Variants in RAB11B observed in about 807,000 individuals in gnomAD.
RAB11B encodes the protein RAB11B, member RAS oncogene family.
In RAB11B, 7 loss-of-function variants were observed where a neutral mutation model predicts 23.7. The observed-to-expected ratio is 0.29, with a 90% CI of 0.17 to 0.55. The LOEUF is 0.55. RAB11B is among the 20% of genes least tolerant of loss of function. The pLI, the probability that RAB11B is intolerant of heterozygous loss-of-function variation, is 0.93. For missense variants in RAB11B, 189 were observed against 320.0 expected (o/e 0.59, Z 3.12); for synonymous variants, 138 against 132.0 (o/e 1.05, Z -0.31).
chr19:8,398,699 A>T (rs1442251452), intron 1 of RAB11B, among the ~76,000 whole-genome samples: 2 of 152,064 alleles, frequency 1.3e-5, no homozygotes, highest in Non-Finnish European at 2.9e-5. Context: ...TCACTTACAT[A>T]CCTGGAGCAG....
intron 1 of RAB11B, among the ~76,000 whole-genome samples, chr19:8,395,081 A>G (rs937369731): frequency 6.6e-6 from 1 of 151,944 alleles, no homozygotes; most frequent in African/African-American, 2.4e-5. Context: ...AACTGAGCAG[A>G]CCTCCCTGGC....
chr19:8,395,271 CTTTTTTTT>C (rs201774881), intron 1 of RAB11B, among the ~76,000 whole-genome samples: 5 of 94,064 alleles, frequency 5.3e-5, no homozygotes, highest in African/African-American at 2.2e-4. Context: ...TTCCATCTTT[CTTTTTTTT>C]TTTTTTTTTT....
In RAB11B at chr19:8,403,779, G is replaced by A; in HGVS notation, c.*221G>A. On this transcript the variant is annotated 3_prime_UTR_variant, in exon 5 of 5. Transcript: ENST00000328024. ...GGTTTGCTGCACCCATGAAACTCGG[G>A]TCCCCACAGCGTCTTGGCGGGGTGG... is the stretch of plus-strand genomic sequence containing the variant. The A allele has an allele frequency of 1.7e-6, 1 of 601,958 alleles. No individual in the cohort carries two copies. Among genetic ancestry groups the A allele is most frequent in the Non-Finnish European group, 2.7e-6 (1 of 372,724 alleles). The allele number at this position is 601,958 out of a possible 1,614,324, so 37.3% of individuals were successfully genotyped here. A position where few individuals can be genotyped will look rare whatever the true frequency, so the allele number is the denominator to read the frequency against.
At chr19:8,403,382 C>A in intron 4 of RAB11B, 31 bp from the exon 5 acceptor site, 1 of 1,587,942 alleles carries the variant, frequency 6.3e-7, no homozygotes, top group South Asian at 1.1e-5. Flanking sequence ...CGTGCTGGCT[C>A]ACCCCACGTC....
At position 8,390,368 on chromosome 19, in the gene RAB11B, T is replaced by C; in HGVS notation, c.-49T>C. ...GCGCCGGCTCCGCCCCCGTCGGGTG[T>C]TTGTGGTGGGGCTGCGGAGTCGCCG... is the stretch of plus-strand genomic sequence containing the variant. On this transcript the variant is annotated 5_prime_UTR_variant, in exon 1 of 5. Transcript: ENST00000328024. 6.7e-7 allele frequency: 1 copy of C among 1,500,696 alleles called. No homozygotes were observed. The highest frequency in any genetic ancestry group is 8.9e-7 in the Non-Finnish European group (1 of 1,126,338). The allele number at this position is 1,500,696 out of a possible 1,614,324, so 93.0% of individuals were successfully genotyped here.
intron 1 of RAB11B, among the ~76,000 whole-genome samples, chr19:8,393,312 A>G (rs1269107875): frequency 6.6e-6 from 1 of 152,030 alleles, no homozygotes; most frequent in Non-Finnish European, 1.5e-5. Flanking sequence ...GTCCTCTCAG[A>G]GCCCTTCCCC....
intron 1 of RAB11B, among the ~76,000 whole-genome samples, chr19:8,398,392 T>G (rs1971412586): frequency 1.3e-5 from 2 of 152,174 alleles, no homozygotes; most frequent in South Asian, 4.1e-4. Flanking sequence ...TGCACCCCCC[T>G]CCTGGGACAA....
At chr19:8,395,045 C>T (rs1347222695) in intron 1 of RAB11B, among the ~76,000 whole-genome samples, 2 of 152,248 alleles carry the variant, frequency 1.3e-5, no homozygotes, top group East Asian at 1.9e-4. Flanking sequence ...GCCCGAGTTT[C>T]CTGTCTTATT....
rs56077827 is a variant in RAB11B, at chr19:8,390,658, G to A, written c.40+202G>A. The stretch of plus-strand genomic sequence containing the variant: ...CGCGGCTATACGGAGCCGGAGGCCC[G>A]GAGAGACCTGGGGGACCTAGGACGC... On this transcript the variant is annotated intron_variant, in intron 1 of 4. Coordinates refer to ENST00000328024, the MANE Select transcript of RAB11B (RefSeq NM_004218.4). The A allele has an allele frequency of 7.3e-4, 366 of 501,324 alleles. 1 individual carries two copies. The highest frequency in any genetic ancestry group is 6.5e-3 in the African/African-American group (324 of 49,480). The allele number at this position is 501,324 out of a possible 1,614,324, so 31.1% of individuals were successfully genotyped here.
chr19:8,394,390 A>G (rs963692571), intron 1 of RAB11B, among the ~76,000 whole-genome samples: 3 of 152,136 alleles, frequency 2.0e-5, no homozygotes. Context: ...CCTGAGCTCA[A>G]GTGATCCACC....
At chr19:8,397,275 T>C (rs1428457677) in intron 1 of RAB11B, among the ~76,000 whole-genome samples, 1 of 151,862 alleles carries the variant, frequency 6.6e-6, no homozygotes, top group Non-Finnish European at 1.5e-5. Context: ...AGAGGTAATA[T>C]AGGAGTTACC....
chr19:8,391,615 G>A (rs151084784), intron 1 of RAB11B, among the ~76,000 whole-genome samples: 133 of 152,314 alleles, frequency 8.7e-4, no homozygotes, highest in African/African-American at 3.2e-3. Context: ...GACAATGGCA[G>A]CCCTTGAGGG....
chr19:8,400,067 C>T lies in RAB11B; in HGVS notation c.236+9C>T, dbSNP rs1183365644. 17 of 1,606,490 alleles carry T rather than the reference C, an allele frequency of 1.1e-5. No individual in the cohort carries two copies. Among genetic ancestry groups the T allele is most frequent in the Middle Eastern group, 1.7e-4 (1 of 5,944 alleles). ...CGCGCCATCACCTCCGCGTGCGTGT[C>T]GGCAGCCTGGGCAGGGACGCTGAGA... On this transcript the variant is annotated intron_variant, in intron 2 of 4. Coordinates refer to ENST00000328024, the MANE Select transcript of RAB11B (RefSeq NM_004218.4).
chr19:8,397,161 G>C (rs138045974), intron 1 of RAB11B, among the ~76,000 whole-genome samples: 213 of 152,318 alleles, frequency 1.4e-3, no homozygotes, highest in African/African-American at 4.9e-3. Flanking sequence ...CAGGCTTAGG[G>C]AGTGATCGGG....
intron 1 of RAB11B, among the ~76,000 whole-genome samples, chr19:8,395,918 C>A (rs1027627585): frequency 6.6e-6 from 1 of 152,280 alleles, no homozygotes; most frequent in East Asian, 1.9e-4. Context: ...GGGTTCAAAT[C>A]CTGCCTGGCT....
At position 8,399,900 on chromosome 19, in the gene RAB11B, C is replaced by T. The variant is rs1441520222; in HGVS notation, c.78C>T (p.Asn26=). 5 of 1,614,108 alleles carry T rather than the reference C, an allele frequency of 3.1e-6. No homozygotes were observed. Among genetic ancestry groups the T allele is most frequent in the African/African-American group, 1.3e-5 (1 of 74,954 alleles). ...LIGDSGVGKS[N]LLSRFTRNEF... ...GGGACTCAGGCGTGGGCAAGAGCAA[C>T]CTGCTGTCGCGCTTCACCCGCAACG... Residue 26 remains asparagine, a synonymous_variant, in exon 2 of 5, where the codon AAC becomes AAT. Transcript: ENST00000328024.
intron 1 of RAB11B, among the ~76,000 whole-genome samples, chr19:8,391,107 TCAA>T (rs1361721082): frequency 1.3e-5 from 2 of 152,170 alleles, no homozygotes; most frequent in Non-Finnish European, 2.9e-5. Flanking sequence ...CTCAGAACTC[TCAA>T]CAGTGCTAAG....
chr19:8,403,268 G>C, intron 4 of RAB11B, 145 bp from the exon 5 acceptor site: 1 of 1,030,842 alleles, frequency 9.7e-7, no homozygotes, highest in South Asian at 1.7e-5. Flanking sequence ...GGCTGGGTGC[G>C]CAGCCCCTGT....
rs1014958521 is a variant in RAB11B at position 8,395,988 on chromosome 19, C to T, written c.41-3875C>T. Among the ~76,000 whole-genome samples, 3 of 152,138 alleles carry T rather than the reference C, an allele frequency of 2.0e-5. No homozygotes were observed. In the East Asian group the frequency reaches 5.8e-4, roughly 29 times the overall value. ...GGGGAGCACCGTTGGGAGGTGAGGGCGAGCCCACAAACATGCATAGCTTCA... is the reference window on the plus strand; with the variant it reads ...GGGGAGCACCGTTGGGAGGTGAGGGTGAGCCCACAAACATGCATAGCTTCA... On this transcript the variant is annotated intron_variant, in intron 1 of 4. Transcript: ENST00000328024.
Sources: gnomAD v4.1 joint callset for allele counts (sites outside exome capture counted in the v4.1 genomes callset) on GRCh38, gnomAD v4.1.1 for gene constraint, MANE v1.5 for transcripts, NCBI Gene and HGNC (gene_info 2026-07-23, HGNC 2026-07-21) for gene names.